The following DZIP3 variants were observed in gnomAD, a reference collection of about 807,000 sequenced individuals.
The protein encoded by DZIP3 is DAZ interacting zinc finger protein 3.
Under a neutral mutation model 162.0 loss-of-function variants are expected in DZIP3, and 118 were observed. The ratio of observed to expected loss-of-function variants is 0.73; its 90% confidence interval spans 0.63 to 0.85. The LOEUF (loss-of-function observed/expected upper bound fraction) is 0.85. DZIP3 is among the 40% of genes least tolerant of loss of function. DZIP3 has a pLI of 0.00. For synonymous variants in DZIP3, 438 were observed against 458.6 expected (o/e 0.96, Z 0.57); for missense variants, 1,331 against 1,407.0 (o/e 0.95, Z 0.86).
rs139475282 is a variant in DZIP3, at chr3:108,664,889, G to A, written c.2423+2632G>A. Among the ~76,000 whole-genome samples, 394 of 152,290 alleles carry A rather than the reference G, an allele frequency of 2.6e-3. 3 individuals carry two copies. Among genetic ancestry groups the A allele is most frequent in the Middle Eastern group, 3.4e-3 (1 of 294 alleles). On this transcript the variant is annotated intron_variant, in intron 21 of 32. Transcript: ENST00000361582. ...GGGGAGCTGAACTTGTACATCTCTC[G>A]TCTGCACTGAGGCAGTGTGAGTCAG... is the stretch of plus-strand genomic sequence containing the variant.
intron 19 of DZIP3, among the ~76,000 whole-genome samples, chr3:108,654,983 CT>C (rs1379093825): frequency 6.6e-6 from 1 of 152,074 alleles, no homozygotes; most frequent in African/African-American, 2.4e-5. Context: ...AAATGATTCC[CT>C]GGCTGATAGT....
chr3:108,598,276 C>T lies in DZIP3; in HGVS notation c.-72-7059C>T, dbSNP rs115447710. Among the ~76,000 whole-genome samples, 708 of 152,136 alleles carry T rather than the reference C, an allele frequency of 4.7e-3. 9 individuals carry two copies. The highest frequency in any genetic ancestry group is 0.015 in the African/African-American group (640 of 41,490). On this transcript the variant is annotated intron_variant, in intron 1 of 32. Coordinates refer to ENST00000361582, the MANE Select transcript of DZIP3 (RefSeq NM_014648.4). ...ATTTGGGCATGAATTTCTGCTCTTA[C>T]GGATTTATTAGCTATGAGACTCTAT...
chr3:108,666,566 C>A (rs1248708897), intron 21 of DZIP3, among the ~76,000 whole-genome samples: 2 of 152,070 alleles, frequency 1.3e-5, no homozygotes, highest in African/African-American at 4.8e-5. Context: ...ATAGAACACC[C>A]CACCCGACAA....
chr3:108,687,093 T>C (rs542868843), intron 28 of DZIP3, among the ~76,000 whole-genome samples: 31 of 152,158 alleles, frequency 2.0e-4, no homozygotes, highest in Non-Finnish European at 3.1e-4. Context: ...TATTTAATTA[T>C]ATTCCTACAC....
At position 108,670,401 on chromosome 3, in the gene DZIP3, T is replaced by A. The variant is rs546701365; in HGVS notation, c.2492+652T>A. ...AAATTGGATCATATAATATGTAGCC[T>A]CTTGTGAGTAACATTTTTCACTTAA... is the stretch of plus-strand genomic sequence containing the variant. On this transcript the variant is annotated intron_variant, in intron 22 of 32. Transcript: ENST00000361582. 2.6e-4 allele frequency among the ~76,000 whole-genome samples: 39 copies of A among 152,100 alleles called. No homozygotes were observed. The South Asian group carries it at 8.1e-3, about 32-fold the overall frequency.
intron 12 of DZIP3, among the ~76,000 whole-genome samples, chr3:108,640,910 GTT>G (rs1435418570): frequency 1.8e-4 from 27 of 149,976 alleles, no homozygotes; most frequent in Non-Finnish European, 4.0e-4. Context: ...GGTCTTTGTT[GTT>G]TTATATATAC....
At chr3:108,628,922 T>C in intron 7 of DZIP3, 140 bp from the exon 8 acceptor site, 1 of 540,614 alleles carries the variant, frequency 1.8e-6, no homozygotes, top group African/African-American at 2.0e-5. Context: ...GTGAGAGTGC[T>C]AGTATTTGTA....
intron 19 of DZIP3, among the ~76,000 whole-genome samples, chr3:108,657,366 G>C (rs1288332707): frequency 6.6e-6 from 1 of 152,078 alleles, no homozygotes; most frequent in Non-Finnish European, 1.5e-5. Context: ...TTTCAACCCA[G>C]AATTTCATAT....
chr3:108,613,029 A>G lies in DZIP3; in HGVS notation c.258+1700A>G, dbSNP rs1227855887. Among the ~76,000 whole-genome samples the G allele has an allele frequency of 2.0e-5, 3 of 152,172 alleles. No homozygotes were observed. In the East Asian group the frequency reaches 5.8e-4, roughly 29 times the overall value. Reference sequence around the variant, plus strand: ...AAAATCTCTGGGGATAGGTCTTTGAATTTGTGTTTTAGTAAGTACCTAAGC... The same window carrying G: ...AAAATCTCTGGGGATAGGTCTTTGAGTTTGTGTTTTAGTAAGTACCTAAGC... On this transcript the variant is annotated intron_variant, in intron 4 of 32. Coordinates refer to ENST00000361582, the MANE Select transcript of DZIP3 (RefSeq NM_014648.4).
chr3:108,658,612 C>T (rs1170626662), intron 19 of DZIP3, among the ~76,000 whole-genome samples: 4 of 151,590 alleles, frequency 2.6e-5, no homozygotes, highest in Non-Finnish European at 4.4e-5. Flanking sequence ...CATTCAAAAG[C>T]TAGCAGAAGG....
At chr3:108,658,044 G>GTTTTTTTA (rs771755899) in intron 19 of DZIP3, among the ~76,000 whole-genome samples, 22,756 of 151,902 alleles carry the variant, frequency 0.15, 2,031 homozygotes, top group Non-Finnish European at 0.22. Context: ...AATCATGGGA[G>GTTTTTTTA]ACTTTAACAC....
intron 19 of DZIP3, among the ~76,000 whole-genome samples, chr3:108,656,421 G>T (rs527934918): frequency 1.3e-5 from 2 of 152,286 alleles, no homozygotes; most frequent in African/African-American, 4.8e-5. Flanking sequence ...CAACAGACCT[G>T]CAGCTGAGGG....
intron 12 of DZIP3, among the ~76,000 whole-genome samples, chr3:108,640,813 C>T (rs1942368749): frequency 6.6e-6 from 1 of 152,116 alleles, no homozygotes; most frequent in African/African-American, 2.4e-5. Context: ...AATATAGCTA[C>T]TCCAGCTTTC....
chr3:108,666,045 A>C (rs2107322036), intron 21 of DZIP3, among the ~76,000 whole-genome samples: 1 of 152,284 alleles, frequency 6.6e-6, no homozygotes, highest in South Asian at 2.1e-4. Flanking sequence ...AGAATGAGTA[A>C]AGAGTAAGAT....
intron 19 of DZIP3, among the ~76,000 whole-genome samples, chr3:108,659,298 T>TC (rs1943304491): frequency 6.6e-6 from 1 of 152,120 alleles, no homozygotes; most frequent in Non-Finnish European, 1.5e-5. Flanking sequence ...TCCACCATGA[T>TC]CAAGTGGGCT....
At chr3:108,687,284 A>G (rs1371191239) in intron 28 of DZIP3, among the ~76,000 whole-genome samples, 1 of 152,106 alleles carries the variant, frequency 6.6e-6, no homozygotes, top group Non-Finnish European at 1.5e-5. Context: ...AGTTGTTATA[A>G]ATATGTATAA....
At chr3:108,652,128 C>CT (rs140288031) in intron 18 of DZIP3, among the ~76,000 whole-genome samples, 2,895 of 151,834 alleles carry the variant, frequency 0.019, 101 homozygotes, top group African/African-American at 0.067. Context: ...AATCACTTTG[C>CT]CATTTTGCTT....
chr3:108,656,355 G>A, intron 19 of DZIP3, among the ~76,000 whole-genome samples: 1 of 152,164 alleles, frequency 6.6e-6, no homozygotes, highest in East Asian at 1.9e-4. Flanking sequence ...CTGTTCTGCA[G>A]CCTCCACTGC....
chr3:108,680,999 A>G (rs1008153879), intron 26 of DZIP3, among the ~76,000 whole-genome samples: 13 of 152,304 alleles, frequency 8.5e-5, no homozygotes, highest in Admixed American at 2.6e-4. Context: ...TAAAACCCCT[A>G]GAAGAAAACC....
Sources: allele counts gnomAD v4.1 joint callset (sites outside exome capture counted in the v4.1 genomes callset), GRCh38; gene constraint gnomAD v4.1.1; transcripts MANE v1.5; gene names NCBI Gene and HGNC (gene_info 2026-07-23, HGNC 2026-07-21).